The following N4BP2L2 variants were observed in gnomAD, a reference collection of about 807,000 sequenced individuals.
The protein encoded by N4BP2L2 is NEDD4-binding protein 2-like 2.
A neutral mutation model predicts 56.2 loss-of-function variants in N4BP2L2; 50 were observed. That is an observed-to-expected ratio of 0.89 (90% confidence interval 0.71 to 1.13). The LOEUF (loss-of-function observed/expected upper bound fraction) is 1.13, where lower values mean the gene tolerates loss of function less well. Among genes scored for constraint, N4BP2L2 ranks in the 50% most tolerant of loss-of-function variants. N4BP2L2 has a pLI of 0.00. For missense variants in N4BP2L2, 689 were observed against 693.8 expected (o/e 0.99, Z 0.08); for synonymous variants, 203 against 223.6 (o/e 0.91, Z 0.82).
chr13:32,496,821 C>T (rs2088795891), intron 6 of N4BP2L2, among the ~76,000 whole-genome samples: 1 of 152,214 alleles, frequency 6.6e-6, no homozygotes, highest in South Asian at 2.1e-4. Flanking sequence ...CTCCAGCTTT[C>T]CTCTCACTCT....
At chr13:32,490,494 T>A (rs2086825447) in intron 6 of N4BP2L2, among the ~76,000 whole-genome samples, 1 of 151,922 alleles carries the variant, frequency 6.6e-6, no homozygotes, top group South Asian at 2.1e-4. Context: ...TAGTAGAGAC[T>A]AGGTCTCACT....
At position 32,438,567 on chromosome 13, in the gene N4BP2L2, C is replaced by A. The variant is rs958623801; in HGVS notation, c.2190+85G>T. 5 of 1,120,422 alleles carry A rather than the reference C, an allele frequency of 4.5e-6. No homozygotes were observed. In the African/African-American group the frequency reaches 4.7e-5, roughly 10 times the overall value. The allele number at this position is 1,120,422 out of a possible 1,614,324, so 69.4% of individuals were successfully genotyped here. A position where few individuals can be genotyped will look rare whatever the true frequency, so the allele number is the denominator to read the frequency against. ...TGAGCCAAGATCACGCCATTGCACT[C>A]CAGCCTGGGCAACAAGAATGAAACT... On this transcript the variant is annotated intron_variant, in intron 8 of 9. Coordinates refer to the N4BP2L2 transcript ENST00000357505.
intron 6 of N4BP2L2, among the ~76,000 whole-genome samples, chr13:32,465,242 G>T (rs1392374400): frequency 6.6e-6 from 1 of 152,136 alleles, no homozygotes; most frequent in Non-Finnish European, 1.5e-5. Context: ...TGGGATTACA[G>T]GTGTGAGGCA....
At chr13:32,538,854 T>G, upstream of N4BP2L2, 1 of 985,432 alleles carries the variant, frequency 1.0e-6, no homozygotes, top group South Asian at 4.7e-5. Context: ...TTGTGGGAAT[T>G]GAAGTCCGAC....
At chr13:32,487,480 A>T (rs540960273) in intron 6 of N4BP2L2, among the ~76,000 whole-genome samples, 1 of 151,640 alleles carries the variant, frequency 6.6e-6, no homozygotes, top group African/African-American at 2.4e-5. Flanking sequence ...AAAAAAAAAA[A>T]AAAAGGAAAA....
chr13:32,532,590 C>CTTTTTTTT (rs759146834), intron 2 of N4BP2L2, among the ~76,000 whole-genome samples: 3 of 128,408 alleles, frequency 2.3e-5, no homozygotes, highest in African/African-American at 5.8e-5. Context: ...TTTCTTTTTT[C>CTTTTTTTT]TTTTTTTTTT....
At chr13:32,496,950 T>C (rs2088821998) in intron 6 of N4BP2L2, among the ~76,000 whole-genome samples, 1 of 152,228 alleles carries the variant, frequency 6.6e-6, no homozygotes, top group East Asian at 1.9e-4. Flanking sequence ...CTTATCACTA[T>C]TCTTGCCCAA....
At chr13:32,503,067 G>A (rs1180687318) in intron 6 of N4BP2L2, among the ~76,000 whole-genome samples, 1 of 150,758 alleles carries the variant, frequency 6.6e-6, no homozygotes, top group East Asian at 1.9e-4. Context: ...CAGCGACTCG[G>A]GAGGCTGAGG....
chr13:32,507,928 G>T (rs2091212653), downstream of N4BP2L2: 1 of 152,164 alleles, frequency 6.6e-6, no homozygotes, highest in Admixed American at 6.5e-5. Context: ...AAAGCTAAGA[G>T]TAAGAACAGA....
At position 32,441,765 on chromosome 13, in the gene N4BP2L2, C is replaced by T. The variant is rs181971874; in HGVS notation, c.2104+623G>A. Among the ~76,000 whole-genome samples the T allele has an allele frequency of 2.3e-3, 325 of 144,074 alleles. 1 individual carries two copies. The highest frequency in any genetic ancestry group is 7.9e-3 in the African/African-American group (311 of 39,282). The allele number at this position is 144,074 out of a possible 152,430, so 94.5% of individuals were successfully genotyped here. On this transcript the variant is annotated intron_variant, in intron 7 of 9. Transcript: ENST00000357505. ...AAAAAAGAAAGTAGAAAGGTTTGGC[C>T]GGGCGCGGTGGCTCACGCCTGTAAT...
chr13:32,465,560 A>G (rs1296111417), intron 6 of N4BP2L2, among the ~76,000 whole-genome samples: 4 of 152,262 alleles, frequency 2.6e-5, no homozygotes, highest in African/African-American at 9.6e-5. Flanking sequence ...TCACAAAACA[A>G]TATTTTCCCA....
At chr13:32,473,281 C>CA (rs575588006) in intron 6 of N4BP2L2, among the ~76,000 whole-genome samples, 1,183 of 86,468 alleles carry the variant, frequency 0.014, 13 homozygotes, top group African/African-American at 0.043. Flanking sequence ...GACTCCGTCT[C>CA]AAAAAAAAAA....
rs952496425 is a variant in N4BP2L2, at chr13:32,459,632, A to C, written c.366-15506T>G. 3.3e-5 allele frequency among the ~76,000 whole-genome samples: 5 copies of C among 152,164 alleles called. No homozygotes were observed. The East Asian group carries it at 9.6e-4, about 29-fold the overall frequency. ...AATGAGTTATGAGATTGGATCAGTA[A>C]TAAAAACTCTCCCAACAAATAAAAG... On this transcript the variant is annotated intron_variant, in intron 6 of 9. Coordinates refer to the N4BP2L2 transcript ENST00000357505.
chr13:32,442,982 T>C (rs1284819995), exon 7 of N4BP2L2: 21 of 1,613,858 alleles, frequency 1.3e-5, no homozygotes, highest in Non-Finnish European at 1.6e-5. Flanking sequence ...TGGTTTTTTG[T>C]TAACAGGTCA....
At chr13:32,463,905 A>G (rs1441949330) in intron 6 of N4BP2L2, among the ~76,000 whole-genome samples, 3 of 102,628 alleles carry the variant, frequency 2.9e-5, no homozygotes, top group Non-Finnish European at 5.6e-5. Context: ...GAATGGCCCT[A>G]CCTGCCCATG....
exon 6 of N4BP2L2, chr13:32,517,573 C>T: frequency 7.8e-7 from 1 of 1,283,242 alleles, no homozygotes; most frequent in Non-Finnish European, 9.9e-7. Flanking sequence ...CAGGTGCTTC[C>T]ATAACAGCCA....
chr13:32,504,081 T>A (rs1413024712), intron 6 of N4BP2L2, among the ~76,000 whole-genome samples: 1 of 152,120 alleles, frequency 6.6e-6, no homozygotes, highest in African/African-American at 2.4e-5. Flanking sequence ...ACTCCAAAAA[T>A]TTTTCGAAAC....
At chr13:32,468,953 G>C in intron 6 of N4BP2L2, among the ~76,000 whole-genome samples, 1 of 152,252 alleles carries the variant, frequency 6.6e-6, no homozygotes, top group East Asian at 1.9e-4. Context: ...AGGAGCTGCA[G>C]AGCTGGAGCA....
intron 3 of N4BP2L2, chr13:32,523,083 C>G (rs1032249524): frequency 2.0e-5 from 3 of 152,118 alleles, no homozygotes; most frequent in African/African-American, 7.2e-5. Flanking sequence ...ATCTTTTGCA[C>G]TATGAGATAA....
Sources: gnomAD v4.1 joint callset for allele counts (sites outside exome capture counted in the v4.1 genomes callset) on GRCh38, gnomAD v4.1.1 for gene constraint, MANE v1.5 for transcripts, NCBI Gene and HGNC (gene_info 2026-07-23, HGNC 2026-07-21) for gene names.